The following DOCK8 variants were observed in gnomAD, a reference collection of about 807,000 sequenced individuals.
DOCK8 encodes the protein dedicator of cytokinesis 8, also known as dedicator of cytokinesis protein 8.
Under a neutral mutation model 245.6 loss-of-function variants are expected in DOCK8, and 141 were observed. The ratio of observed to expected loss-of-function variants is 0.57; its 90% CI spans 0.50 to 0.66. The LOEUF (loss-of-function observed/expected upper bound fraction) is 0.66, where lower values mean the gene tolerates loss of function less well. Among genes scored for constraint, DOCK8 ranks in the 30% least tolerant of loss-of-function variants. The pLI, the probability that DOCK8 is intolerant of heterozygous loss-of-function variation, is 0.00. For missense variants in DOCK8, 2,965 were observed against 2,603.4 expected, an observed-to-expected ratio of 1.14 and a Z score of -3.02; for synonymous variants, 1,168 against 970.2, an observed-to-expected ratio of 1.20 and a Z score of -3.79.
intron 4 of DOCK8, among the ~76,000 whole-genome samples, chr9:290,638 C>T (rs1333996185): frequency 6.6e-6 from 1 of 152,206 alleles, no homozygotes; most frequent in African/African-American, 2.4e-5. Flanking sequence ...AACATCTATG[C>T]ACATTGAAAT....
At chr9:446,160 A>T (rs1042089040) in intron 43 of DOCK8, among the ~76,000 whole-genome samples, 1 of 152,218 alleles carries the variant, frequency 6.6e-6, no homozygotes, top group African/African-American at 2.4e-5. Context: ...CCCCACAGGC[A>T]CATTCCCCTC....
chr9:311,185 C>T (rs7851136), intron 5 of DOCK8, among the ~76,000 whole-genome samples: 75,313 of 151,434 alleles, frequency 0.5, 19,061 homozygotes, highest in Admixed American at 0.6. Context: ...CTAGGGAGGC[C>T]GACGCAGGAG....
intron 24 of DOCK8, among the ~76,000 whole-genome samples, chr9:393,915 CA>C (rs1262216743): frequency 3.3e-5 from 5 of 152,160 alleles, no homozygotes; most frequent in Non-Finnish European, 7.4e-5. Context: ...TGAGAGCCCC[CA>C]GGGTACAGCA....
In DOCK8 at chr9:221,873, T is replaced by C. The variant is rs112245337; in HGVS notation, c.53+6844T>C. On this transcript the variant is annotated intron_variant, in intron 1 of 47. Coordinates refer to ENST00000432829, the MANE Select transcript of DOCK8 (RefSeq NM_203447.4). Reference sequence around the variant, plus strand: ...CTCTGCATGTAAATCAATACAGAGCTGCATTATAATTTACATAGGCTGTAT... The same window carrying C: ...CTCTGCATGTAAATCAATACAGAGCCGCATTATAATTTACATAGGCTGTAT... 6.4e-4 allele frequency among the ~76,000 whole-genome samples: 98 copies of C among 151,984 alleles called. 1 individual carries two copies. Among genetic ancestry groups the C allele is most frequent in the African/African-American group, 2.3e-3 (94 of 41,428 alleles).
At chr9:338,400 T>C (rs1655817647) in intron 12 of DOCK8, among the ~76,000 whole-genome samples, 1 of 152,198 alleles carries the variant, frequency 6.6e-6, no homozygotes, top group East Asian at 1.9e-4. Flanking sequence ...AGCATACATG[T>C]ACCCTTCCCA....
At chr9:358,528 T>C (rs2052560308) in intron 14 of DOCK8, among the ~76,000 whole-genome samples, 1 of 152,188 alleles carries the variant, frequency 6.6e-6, no homozygotes, top group South Asian at 2.1e-4. Context: ...ACAGAATGTT[T>C]ATTAAGGCCT....
chr9:378,186 G>A (rs2131270957), intron 20 of DOCK8, among the ~76,000 whole-genome samples: 1 of 152,214 alleles, frequency 6.6e-6, no homozygotes, highest in South Asian at 2.1e-4. Context: ...TTGTGGGGAG[G>A]GTGGTATCAA....
At position 289,636 on chromosome 9, in the gene DOCK8, T is replaced by A. The variant is rs535758748; in HGVS notation, c.404+55T>A. On this transcript the variant is annotated intron_variant, in intron 4 of 47. Transcript: ENST00000432829. Reference sequence around the variant, plus strand: ...ATAAATATTAATTTTATATTGCTAGTTTTTAAATATTTCTTAATACTTTGA... The same window carrying A: ...ATAAATATTAATTTTATATTGCTAGATTTTAAATATTTCTTAATACTTTGA... The A allele has an allele frequency of 1.1e-4, 152 of 1,426,388 alleles. No individual in the cohort carries two copies. In the African/African-American group the frequency reaches 2.1e-3, roughly 20 times the overall value. 88.4% of individuals were successfully genotyped at this position (1,426,388 alleles called of 1,614,324 possible). A position where few individuals can be genotyped will look rare whatever the true frequency, so the allele number is the denominator to read the frequency against.
intron 23 of DOCK8, among the ~76,000 whole-genome samples, chr9:388,190 G>C (rs115067469): frequency 6.6e-6 from 1 of 152,158 alleles, no homozygotes; most frequent in East Asian, 1.9e-4. Flanking sequence ...TCAAGGTGTA[G>C]TCCAGTTATA....
intron 1 of DOCK8, among the ~76,000 whole-genome samples, chr9:261,200 A>G (rs1587681939): frequency 6.6e-6 from 1 of 152,190 alleles, no homozygotes; most frequent in South Asian, 2.1e-4. Context: ...TATACTTTTT[A>G]TATTTAAAAT....
chr9:291,163 T>C (rs1377407337), intron 4 of DOCK8, among the ~76,000 whole-genome samples: 3 of 152,220 alleles, frequency 2.0e-5, no homozygotes, highest in Non-Finnish European at 4.4e-5. Flanking sequence ...AAGGAACAAA[T>C]AGAAAGATCC....
At chr9:371,351 G>T (rs2131213960) in intron 16 of DOCK8, 77 bp from the exon 17 acceptor site, 1 of 1,562,110 alleles carries the variant, frequency 6.4e-7, no homozygotes. Flanking sequence ...AGGAGCAAAG[G>T]GGCTGTGGCG....
chr9:235,886 G>A (rs952463904), intron 1 of DOCK8, among the ~76,000 whole-genome samples: 5 of 152,152 alleles, frequency 3.3e-5, no homozygotes, highest in African/African-American at 4.8e-5. Context: ...TTCGGCTCAC[G>A]CATGTTGCGC....
chr9:297,396 C>T (rs1176070384), intron 4 of DOCK8, among the ~76,000 whole-genome samples: 1 of 152,192 alleles, frequency 6.6e-6, no homozygotes, highest in Non-Finnish European at 1.5e-5. Flanking sequence ...TCAAAACGCG[C>T]TTGGTCTTTG....
chr9:215,594 G>T (rs578261085), intron 1 of DOCK8: 1 of 673,958 alleles, frequency 1.5e-6, no homozygotes, highest in South Asian at 6.0e-5. Context: ...AAGGAGCCAT[G>T]AAGTGGAAAA....
intron 1 of DOCK8, among the ~76,000 whole-genome samples, chr9:222,990 G>C (rs1489718921): frequency 6.6e-6 from 1 of 151,990 alleles, no homozygotes. Context: ...CATTGTATGT[G>C]TTTTCACTTG....
At chr9:298,916 A>C (rs2049399689) in intron 4 of DOCK8, among the ~76,000 whole-genome samples, 1 of 151,512 alleles carries the variant, frequency 6.6e-6, no homozygotes, top group South Asian at 2.1e-4. Flanking sequence ...AAAAAAAGGC[A>C]AAGGGCAAAT....
At chr9:403,537 C>A (rs1197700772) in intron 26 of DOCK8, among the ~76,000 whole-genome samples, 1 of 152,036 alleles carries the variant, frequency 6.6e-6, no homozygotes, top group African/African-American at 2.4e-5. Flanking sequence ...GGCAATATGT[C>A]CCACAACACA....
intron 42 of DOCK8, 120 bp from the exon 43 acceptor site, chr9:443,307 C>G (rs1471373438): frequency 6.2e-6 from 6 of 970,488 alleles, no homozygotes; most frequent in South Asian, 2.7e-5. Flanking sequence ...GAGGAACTCT[C>G]AATAATCAGT....
Sources: gnomAD v4.1 joint callset for allele counts (sites outside exome capture counted in the v4.1 genomes callset) on GRCh38, gnomAD v4.1.1 for gene constraint, MANE v1.5 for transcripts, NCBI Gene and HGNC (gene_info 2026-07-23, HGNC 2026-07-21) for gene names.